Variants in ELMO1 observed in about 807,000 individuals in gnomAD.
ELMO1 encodes engulfment and cell motility 1, also known as engulfment and cell motility protein 1.
Under a neutral mutation model 98.9 loss-of-function variants are expected in ELMO1, and 26 were observed. That is an observed-to-expected ratio of 0.26 (90% CI 0.19 to 0.36). The LOEUF (loss-of-function observed/expected upper bound fraction) is 0.36. Among genes scored for constraint, ELMO1 ranks in the 10% least tolerant of loss-of-function variants. The probability of loss-of-function intolerance (pLI) is 1.00; values close to 1 mark genes in which losing one functional copy is unlikely to be tolerated. For synonymous variants in ELMO1, 346 were observed against 346.0 expected, an observed-to-expected ratio of 1.00 and a Z score of 0.00; for missense variants, 627 against 935.2, an observed-to-expected ratio of 0.67 and a Z score of 4.30.
rs547595743 is a variant in ELMO1 at position 37,289,447 on chromosome 7, A to G, written c.193-17565T>C. Among the ~76,000 whole-genome samples, 10 of 152,310 alleles carry G rather than the reference A, an allele frequency of 6.6e-5. No individual in the cohort carries two copies. The East Asian group carries it at 1.2e-3, about 18-fold the overall frequency. ...TGCAACACATCCTGCACAGAAATGA[A>G]CCATCTGTCATCAGCTGTTCACTAA... On this transcript the variant is annotated intron_variant, in intron 4 of 21. Transcript: ENST00000310758.
intron 21 of ELMO1, among the ~76,000 whole-genome samples, chr7:36,856,401 G>A (rs1802200019): frequency 6.6e-6 from 1 of 152,190 alleles, no homozygotes; most frequent in South Asian, 2.1e-4. Flanking sequence ...TGGGAGGAGG[G>A]TTGGCTGCCT....
intron 2 of ELMO1, among the ~76,000 whole-genome samples, chr7:37,325,729 C>T (rs1799764328): frequency 6.6e-6 from 1 of 152,178 alleles, no homozygotes; most frequent in African/African-American, 2.4e-5. Context: ...GATAGAAATT[C>T]ATTGAACATA....
At chr7:37,172,865 A>G (rs552262667) in intron 13 of ELMO1, among the ~76,000 whole-genome samples, 1 of 152,144 alleles carries the variant, frequency 6.6e-6, no homozygotes, top group East Asian at 1.9e-4. Flanking sequence ...TCCATTGACT[A>G]TTTTCATTGA....
intron 13 of ELMO1, chr7:37,204,249 C>G (rs1419818120): frequency 2.2e-6 from 1 of 455,066 alleles, no homozygotes; most frequent in Non-Finnish European, 4.4e-6. Context: ...GTGAGTGTTA[C>G]AGTTCTTAAA....
chr7:37,092,566 T>G (rs537561862), intron 15 of ELMO1, among the ~76,000 whole-genome samples: 11 of 149,526 alleles, frequency 7.4e-5, no homozygotes, highest in East Asian at 2.0e-4. Context: ...TTTGTAGAGA[T>G]GGGTTTCACC....
At chr7:37,253,747 A>G (rs1488676608) in intron 6 of ELMO1, among the ~76,000 whole-genome samples, 1 of 150,100 alleles carries the variant, frequency 6.7e-6, no homozygotes, top group Non-Finnish European at 1.5e-5. Flanking sequence ...CAAAAAGCCC[A>G]GCCTTGGGTA....
chr7:37,051,843 T>G (rs1796125597), intron 15 of ELMO1, among the ~76,000 whole-genome samples: 2 of 152,218 alleles, frequency 1.3e-5, no homozygotes, highest in Admixed American at 6.5e-5. Flanking sequence ...AAATGTGGCT[T>G]CTTCTTGGGA....
chr7:37,005,742 A>G (rs2129166863), intron 16 of ELMO1, among the ~76,000 whole-genome samples: 1 of 151,180 alleles, frequency 6.6e-6, no homozygotes, highest in Admixed American at 6.6e-5. Context: ...GTTAATCACT[A>G]AACTTGAGGG....
At chr7:37,378,840 C>G (rs1408838994) in intron 1 of ELMO1, among the ~76,000 whole-genome samples, 1 of 152,136 alleles carries the variant, frequency 6.6e-6, no homozygotes, top group Non-Finnish European at 1.5e-5. Flanking sequence ...CCTTTCACCG[C>G]TACTGCCACC....
At position 37,147,686 on chromosome 7, in the gene ELMO1, G is replaced by A. The variant is rs144024917; in HGVS notation, c.1087-14452C>T. Among the ~76,000 whole-genome samples, 190 of 152,310 alleles carry A rather than the reference G, an allele frequency of 1.2e-3. 2 individuals carry two copies. Among genetic ancestry groups the A allele is most frequent in the African/African-American group, 4.4e-3 (182 of 41,546 alleles). On this transcript the variant is annotated intron_variant, in intron 13 of 21. Coordinates refer to ENST00000310758, the MANE Select transcript of ELMO1 (RefSeq NM_014800.11). ...AGAACAGAAGAGGTTCCACTGGACT[G>A]GGCCCTGCCCAGGTCACATGTGGAC...
intron 16 of ELMO1, among the ~76,000 whole-genome samples, chr7:36,934,775 G>A (rs1466875956): frequency 6.6e-6 from 1 of 152,166 alleles, no homozygotes; most frequent in Non-Finnish European, 1.5e-5. Context: ...GCTTTAAATA[G>A]CTAAGGGCCA....
At chr7:37,253,821 C>A (rs1795492745) in intron 6 of ELMO1, among the ~76,000 whole-genome samples, 1 of 151,966 alleles carries the variant, frequency 6.6e-6, no homozygotes, top group East Asian at 1.9e-4. Flanking sequence ...AAAATTCCAG[C>A]AACATTTCTT....
At chr7:36,947,247 A>C (rs1266458675) in intron 16 of ELMO1, among the ~76,000 whole-genome samples, 1 of 152,168 alleles carries the variant, frequency 6.6e-6, no homozygotes, top group Non-Finnish European at 1.5e-5. Context: ...GTATTAATTC[A>C]CTTTCTAGCT....
At chr7:37,025,526 C>T (rs772112750) in intron 15 of ELMO1, among the ~76,000 whole-genome samples, 1 of 152,148 alleles carries the variant, frequency 6.6e-6, no homozygotes, top group Non-Finnish European at 1.5e-5. Context: ...GTGTGGGTAA[C>T]GCCCAACCCT....
intron 1 of ELMO1, among the ~76,000 whole-genome samples, chr7:37,448,287 G>T (rs1805735853): frequency 7.0e-6 from 1 of 143,262 alleles, no homozygotes; most frequent in Non-Finnish European, 1.5e-5. Context: ...CCGCGCCAGC[G>T]TCGCAACCCT....
chr7:37,426,142 CTTT>C (rs36086006), intron 1 of ELMO1, among the ~76,000 whole-genome samples: 8 of 84,588 alleles, frequency 9.5e-5, no homozygotes, highest in African/African-American at 2.4e-4. Context: ...TTTTTTCTTT[CTTT>C]TTTTTTTTTT....
At chr7:37,136,185 T>C (rs1787250947) in intron 13 of ELMO1, among the ~76,000 whole-genome samples, 1 of 152,054 alleles carries the variant, frequency 6.6e-6, no homozygotes, top group East Asian at 1.9e-4. Context: ...GAAAAAAGAA[T>C]TTAAAAAATG....
intron 6 of ELMO1, among the ~76,000 whole-genome samples, chr7:37,254,471 C>T (rs1242912971): frequency 6.6e-6 from 1 of 152,142 alleles, no homozygotes; most frequent in African/African-American, 2.4e-5. Flanking sequence ...GTGTGAACAT[C>T]GTAGAGTGTA....
intron 15 of ELMO1, among the ~76,000 whole-genome samples, chr7:37,029,924 C>T (rs973331572): frequency 3.9e-5 from 6 of 152,148 alleles, no homozygotes; most frequent in Non-Finnish European, 8.8e-5. Flanking sequence ...ATGTCTGCTA[C>T]TTTTTTTCTT....
Sources: gnomAD v4.1 joint callset for allele counts (sites outside exome capture counted in the v4.1 genomes callset) on GRCh38, gnomAD v4.1.1 for gene constraint, MANE v1.5 for transcripts, NCBI Gene and HGNC (gene_info 2026-07-23, HGNC 2026-07-21) for gene names.